LCOR: variants seen among roughly 807,000 people sequenced by gnomAD.
LCOR encodes ligand-dependent corepressor.
A neutral mutation model predicts 64.4 loss-of-function variants in LCOR; 14 were observed. The observed-to-expected ratio is 0.22, with a 90% CI of 0.14 to 0.34. LCOR has a LOEUF of 0.34. LCOR is among the 10% of genes least tolerant of loss of function. The pLI is 1.00. For missense variants in LCOR, 1,686 were observed against 1,765.3 expected, an observed-to-expected ratio of 0.96 and a Z score of 0.80; for synonymous variants, 643 against 642.5, an observed-to-expected ratio of 1.00 and a Z score of -0.01.
At chr10:96,870,150 G>A (rs1402844872) in intron 2 of LCOR, among the ~76,000 whole-genome samples, 1 of 152,056 alleles carries the variant, frequency 6.6e-6, no homozygotes, top group Non-Finnish European at 1.5e-5. Context: ...TGCCTCCTGA[G>A]TAGCTGGGAC....
intron 2 of LCOR, among the ~76,000 whole-genome samples, chr10:96,901,049 C>T (rs1367822976): frequency 2.6e-5 from 4 of 151,802 alleles, no homozygotes; most frequent in East Asian, 1.9e-4. Context: ...ATTAGTCAGG[C>T]GTGGTGGCGG....
At chr10:96,961,976 AG>A (rs1404536586) in intron 7 of LCOR, 2 of 152,022 alleles carry the variant, frequency 1.3e-5, no homozygotes, top group Admixed American at 1.3e-4. Flanking sequence ...AAATGTTTAA[AG>A]TACTAGAAAA....
intron 2 of LCOR, among the ~76,000 whole-genome samples, chr10:96,847,227 G>A (rs746830929): frequency 2.4e-4 from 36 of 151,896 alleles, no homozygotes; most frequent in South Asian, 4.2e-4. Flanking sequence ...CTGGGTGACT[G>A]AGCCAGTCCC....
chr10:96,938,027 C>T (rs1847382501), intron 4 of LCOR, among the ~76,000 whole-genome samples: 1 of 152,196 alleles, frequency 6.6e-6, no homozygotes, highest in Non-Finnish European at 1.5e-5. Context: ...TCATGGCTCA[C>T]TGCAGCCTTG....
Position 96,982,690 on chromosome 10 carries a change from G to T in LCOR, c.2230G>T (p.Asp744Tyr), listed in dbSNP as rs754331923. Residue 744 changes from aspartate (D) to tyrosine (Y), a missense_variant, in exon 8 of 8, where the codon GAC (aspartate) becomes TAC (tyrosine). Transcript: ENST00000421806. ...ESGDTQELNV[D>Y]PLLKESSTFT... ...TGGAGACACCCAGGAGCTAAATGTCGACCCACTCTTGAAGGAAAGCAGCAC... is the reference window on the plus strand; with the variant it reads ...TGGAGACACCCAGGAGCTAAATGTCTACCCACTCTTGAAGGAAAGCAGCAC... 6.2e-7 allele frequency: 1 copy of T among 1,614,044 alleles called. No homozygotes were observed. Among genetic ancestry groups the T allele is most frequent in the Admixed American group, 1.7e-5 (1 of 60,016 alleles).
At chr10:96,840,824 T>C (rs1172327237) in intron 2 of LCOR, among the ~76,000 whole-genome samples, 9 of 152,356 alleles carry the variant, frequency 5.9e-5, no homozygotes, top group African/African-American at 2.2e-4. Context: ...GCAGCGTTTG[T>C]TATAACTTCT....
intron 2 of LCOR, among the ~76,000 whole-genome samples, chr10:96,900,500 A>G (rs899305344): frequency 6.6e-6 from 1 of 152,156 alleles, no homozygotes; most frequent in Non-Finnish European, 1.5e-5. Flanking sequence ...AGAAGAACAA[A>G]AAAGTCAAAG....
In LCOR at chr10:96,981,128, C is replaced by T. The variant is rs377646031; in HGVS notation, c.668C>T (p.Pro223Leu). 31 of 704,850 alleles carry T rather than the reference C, an allele frequency of 4.4e-5. No individual in the cohort carries two copies. The highest frequency in any genetic ancestry group is 4.0e-4 in the Admixed American group (20 of 50,018). 43.7% of individuals were successfully genotyped at this position (704,850 alleles called of 1,614,324 possible). A position where few individuals can be genotyped will look rare whatever the true frequency, so the allele number is the denominator to read the frequency against. ...HSPLHLTEQT[P>L]KKPPPEINPV... Reference sequence around the variant, plus strand: ...CCTCTACACTTGACGGAACAGACCCCGAAGAAGCCTCCTCCTGAGATAAAC... The same window carrying T: ...CCTCTACACTTGACGGAACAGACCCTGAAGAAGCCTCCTCCTGAGATAAAC... The change falls in exon 8 of 8, where the codon CCG becomes CTG. Residue 223 changes from proline (P) to leucine (L), a missense_variant. By Grantham distance (98) the Pro-to-Leu change is moderately conservative. This residue lies in a region of LCOR where 313 missense variants were observed against 247.2 expected (regional missense o/e 1.27). Coordinates refer to ENST00000421806, the MANE Select transcript of LCOR (RefSeq NM_001346516.2).
rs1466561994 is a variant in LCOR, at chr10:96,984,615, G to C, written c.4155G>C (p.Gln1385His). ...TEGMKGRKGK[Q>H]VSEILPKAEV... Reference sequence around the variant, plus strand: ...GAATGAAGGGAAGGAAGGGGAAGCAGGTGTCTGAAATCTTGCCTAAAGCAG... The same window carrying C: ...GAATGAAGGGAAGGAAGGGGAAGCACGTGTCTGAAATCTTGCCTAAAGCAG... The change falls in exon 8 of 8, where the codon CAG becomes CAC. Residue 1385 changes from glutamine (Q) to histidine (H), a missense_variant. Gln to His is a conservative substitution (Grantham distance 24). This residue lies in a region of LCOR where 1,293 missense variants were observed against 1,410.4 expected (regional missense o/e 0.92). Transcript: ENST00000421806. The C allele has an allele frequency of 3.1e-6, 5 of 1,614,104 alleles. No individual in the cohort carries two copies. Among genetic ancestry groups the C allele is most frequent in the Non-Finnish European group, 3.4e-6 (4 of 1,180,054 alleles).
chr10:96,850,122 G>A (rs1413303422), intron 2 of LCOR, among the ~76,000 whole-genome samples: 1 of 152,176 alleles, frequency 6.6e-6, no homozygotes, highest in Non-Finnish European at 1.5e-5. Context: ...TAGGTTGAAA[G>A]TGATGGGCAG....
At chr10:96,972,668 A>T (rs532624419) in intron 7 of LCOR, among the ~76,000 whole-genome samples, 1 of 152,220 alleles carries the variant, frequency 6.6e-6, no homozygotes, top group Non-Finnish European at 1.5e-5. Flanking sequence ...GATACAATAT[A>T]TAAGCCTTAA....
At chr10:96,973,943 TTAACTC>T (rs564902225) in intron 7 of LCOR, among the ~76,000 whole-genome samples, 119 of 152,364 alleles carry the variant, frequency 7.8e-4, no homozygotes, top group African/African-American at 2.7e-3. Flanking sequence ...CACTTGATCT[TTAACTC>T]TAAGATAACA....
intron 2 of LCOR, among the ~76,000 whole-genome samples, chr10:96,842,524 A>G (rs1589598709): frequency 6.6e-6 from 1 of 152,356 alleles, no homozygotes; most frequent in Middle Eastern, 3.4e-3. Context: ...TCACTTTACA[A>G]CATAATTCAT....
rs140100384 is a variant in LCOR at position 96,853,008 on chromosome 10, T to C, written c.-330+19529T>C. On this transcript the variant is annotated intron_variant, in intron 2 of 7. Coordinates refer to ENST00000421806, the MANE Select transcript of LCOR (RefSeq NM_001346516.2). ...AAGGTATGCTTGAATAGTAAATTTG[T>C]AATGATAATAGGAATACACTTTATT... Among the ~76,000 whole-genome samples the C allele has an allele frequency of 1.2e-4, 18 of 152,352 alleles. No individual in the cohort carries two copies. In the East Asian group the frequency reaches 3.5e-3, roughly 29 times the overall value.
rs1768487527 is a variant in LCOR at position 96,987,888 on chromosome 10, C to A, written c.*2754C>A. ...CCTTGCAAAAACCTTCTTCCCAGAGCCATCTTCAAGAATGGCTTACCACAC... is the reference window on the plus strand; with the variant it reads ...CCTTGCAAAAACCTTCTTCCCAGAGACATCTTCAAGAATGGCTTACCACAC... On this transcript the variant is annotated 3_prime_UTR_variant, in exon 8 of 8. Coordinates refer to ENST00000421806, the MANE Select transcript of LCOR (RefSeq NM_001346516.2). 1 of 152,208 alleles carries A rather than the reference C, an allele frequency of 6.6e-6. No individual in the cohort carries two copies. Among genetic ancestry groups the A allele is most frequent in the Non-Finnish European group, 1.5e-5 (1 of 68,052 alleles). The allele number at this position is 152,208 out of a possible 1,614,324, so 9.4% of individuals were successfully genotyped here.
chr10:96,854,025 G>T (rs541935798), intron 2 of LCOR, among the ~76,000 whole-genome samples: 1 of 152,258 alleles, frequency 6.6e-6, no homozygotes, highest in Non-Finnish European at 1.5e-5. Context: ...GGGGATTATG[G>T]AGATTACAAT....
intron 2 of LCOR, among the ~76,000 whole-genome samples, chr10:96,879,627 A>G (rs1846227088): frequency 6.6e-6 from 1 of 152,126 alleles, no homozygotes; most frequent in Admixed American, 6.6e-5. Flanking sequence ...TCTAAGTTGG[A>G]GACTATATAT....
chr10:96,970,558 C>A (rs930889117), intron 7 of LCOR, among the ~76,000 whole-genome samples: 6 of 151,694 alleles, frequency 4.0e-5, no homozygotes, highest in African/African-American at 1.5e-4. Flanking sequence ...ATTGGGTTGA[C>A]CAGCTACAGC....
At chr10:96,920,983 A>G (rs1266412495) in intron 4 of LCOR, among the ~76,000 whole-genome samples, 1 of 151,904 alleles carries the variant, frequency 6.6e-6, no homozygotes, top group Admixed American at 6.6e-5. Flanking sequence ...TTTTTTGTGG[A>G]GATGGGGCCT....
Sources: gnomAD v4.1 joint callset for allele counts (sites outside exome capture counted in the v4.1 genomes callset) on GRCh38, gnomAD v4.1.1 for gene constraint, gnomAD v4.1.1 regional missense constraint, MANE v1.5 for transcripts, NCBI Gene and HGNC (gene_info 2026-07-23, HGNC 2026-07-21) for gene names.